TRAF3: variants seen among roughly 807,000 people sequenced by gnomAD.
TRAF3 encodes TNF receptor associated factor 3.
Under a neutral mutation model 62.3 loss-of-function variants are expected in TRAF3, and 13 were observed. The observed-to-expected ratio is 0.21, with a 90% confidence interval of 0.14 to 0.33. The LOEUF is 0.33. Ranked by LOEUF, TRAF3 falls within the 10% of genes least tolerant of loss-of-function variation. TRAF3 has a pLI of 1.00. For synonymous variants in TRAF3, 269 were observed against 283.4 expected (o/e 0.95, Z 0.51); for missense variants, 440 against 741.8 (o/e 0.59, Z 4.73).
At chr14:102,813,703 G>T (rs951822744) in intron 1 of TRAF3, among the ~76,000 whole-genome samples, 1 of 151,554 alleles carries the variant, frequency 6.6e-6, no homozygotes, top group Non-Finnish European at 1.5e-5. Context: ...CACCCGCCTC[G>T]GCCTCCCAAA....
intron 1 of TRAF3, among the ~76,000 whole-genome samples, chr14:102,787,590 G>GGCA (rs1897569464): frequency 6.6e-6 from 1 of 152,108 alleles, no homozygotes; most frequent in Non-Finnish European, 1.5e-5. Context: ...GGGAGGCTGA[G>GGCA]GCAGGAGAAT....
chr14:102,851,911 G>C, intron 2 of TRAF3, among the ~76,000 whole-genome samples: 1 of 151,258 alleles, frequency 6.6e-6, no homozygotes, highest in East Asian at 1.9e-4. Context: ...AAAAGTTAGC[G>C]GGGTGTGGTG....
chr14:102,792,504 T>G (rs1230090828), intron 1 of TRAF3, among the ~76,000 whole-genome samples: 2 of 148,992 alleles, frequency 1.3e-5, no homozygotes, highest in African/African-American at 5.0e-5. Flanking sequence ...ACTCCTGGCC[T>G]CAAGCAGACC....
At chr14:102,820,594 A>T (rs1595327736) in intron 1 of TRAF3, among the ~76,000 whole-genome samples, 1 of 10,100 alleles carries the variant, frequency 9.9e-5, no homozygotes, top group African/African-American at 1.9e-4. Flanking sequence ...ATATATATAT[A>T]TATATATATA....
chr14:102,905,785 T>C lies in TRAF3; in HGVS notation c.*1T>C. On this transcript the variant is annotated 3_prime_UTR_variant, in exon 12 of 12. Transcript: ENST00000392745. Reference sequence around the variant, plus strand: ...TACTTCGGATCTGCCCGATCCCTGATAAGTAGCTGGGGAGGTGGATTTAGC... The same window carrying C: ...TACTTCGGATCTGCCCGATCCCTGACAAGTAGCTGGGGAGGTGGATTTAGC... The C allele has an allele frequency of 6.2e-7, 1 of 1,613,276 alleles. No homozygotes were observed. The highest frequency in any genetic ancestry group is 8.5e-7 in the Non-Finnish European group (1 of 1,179,608).
At chr14:102,844,619 A>C (rs1886582991) in intron 2 of TRAF3, among the ~76,000 whole-genome samples, 1 of 152,232 alleles carries the variant, frequency 6.6e-6, no homozygotes, top group African/African-American at 2.4e-5. Flanking sequence ...GACAAGGATC[A>C]GGGTGCAGGA....
intron 7 of TRAF3, among the ~76,000 whole-genome samples, chr14:102,888,609 C>T (rs1470392878): frequency 6.6e-6 from 1 of 152,152 alleles, no homozygotes; most frequent in Non-Finnish European, 1.5e-5. Flanking sequence ...GAACACATTC[C>T]CGGCTGCTGC....
At position 102,777,460 on chromosome 14, in the gene TRAF3, T is replaced by TGAGGGAGC. The variant is rs996892936; in HGVS notation, c.-354_-347dup. 1.1e-3 allele frequency: 153 copies of TGAGGGAGC among 138,960 alleles called. No homozygotes were observed. Among genetic ancestry groups the TGAGGGAGC allele is most frequent in the East Asian group, 5.0e-3 (22 of 4,414 alleles). The allele number at this position is 138,960 out of a possible 1,614,324, so 8.6% of individuals were successfully genotyped here. A position where few individuals can be genotyped will look rare whatever the true frequency, so the allele number is the denominator to read the frequency against. On this transcript the variant is annotated 5_prime_UTR_variant, in exon 1 of 12. Transcript: ENST00000392745. ...GAGGAAGTGCCTGCGCGGGGCTGCG[T>TGAGGGAGC]GAGGGAGCGAGGGAGCGAGGGAGCG...
rs1034952154 is a variant in TRAF3, at chr14:102,831,413, C to T, written c.-18+941C>T. Among the ~76,000 whole-genome samples, 3 of 152,128 alleles carry T rather than the reference C, an allele frequency of 2.0e-5. No individual in the cohort carries two copies. In the South Asian group the frequency reaches 6.2e-4, roughly 32 times the overall value. ...AAACTGTGTCCCCAAGCTCAGCAGG[C>T]GGAGGTAAAACATTTTTCAAAGAAA... On this transcript the variant is annotated intron_variant, in intron 2 of 11. Transcript: ENST00000392745.
intron 2 of TRAF3, among the ~76,000 whole-genome samples, chr14:102,833,666 G>A (rs1167041051): frequency 1.3e-5 from 2 of 152,168 alleles, no homozygotes; most frequent in African/African-American, 2.4e-5. Context: ...CAAGACAAAT[G>A]CCAGACTGTG....
intron 2 of TRAF3, among the ~76,000 whole-genome samples, chr14:102,861,063 G>A (rs1283644993): frequency 6.6e-6 from 1 of 152,242 alleles, no homozygotes; most frequent in East Asian, 1.9e-4. Flanking sequence ...GGGAATGCAA[G>A]AAGCTCAGGG....
At chr14:102,806,803 C>T (rs1898800301) in intron 1 of TRAF3, among the ~76,000 whole-genome samples, 1 of 152,076 alleles carries the variant, frequency 6.6e-6, no homozygotes, top group Admixed American at 6.6e-5. Context: ...GCTCATTGTC[C>T]CGGACCTGCA....
chr14:102,858,864 C>G lies in TRAF3; in HGVS notation c.-17-11321C>G, dbSNP rs548185950. ...CAAATTTCACCATTGCATTAGTGTA[C>G]TATTAATGTTAAACCCAATTCTTAA... is the stretch of plus-strand genomic sequence containing the variant. On this transcript the variant is annotated intron_variant, in intron 2 of 11. Transcript: ENST00000392745. 2.0e-5 allele frequency among the ~76,000 whole-genome samples: 3 copies of G among 152,120 alleles called. No homozygotes were observed. In the South Asian group the frequency reaches 6.2e-4, roughly 31 times the overall value.
intron 6 of TRAF3, among the ~76,000 whole-genome samples, chr14:102,884,316 C>T (rs147661266): frequency 6.6e-6 from 1 of 152,164 alleles, no homozygotes; most frequent in South Asian, 2.1e-4. Context: ...GTCTGCCCGA[C>T]GCCAGGGTGT....
In TRAF3 at chr14:102,853,837, TA is replaced by T. The variant is rs35601098; in HGVS notation, c.-17-16332del. ...TGGGCGACAGAGGCAAGACTCCGTC[TA>T]AAAAAAAAAAAAAAAGAATGTTATG... On this transcript the variant is annotated intron_variant, in intron 2 of 11. Coordinates refer to ENST00000392745, the MANE Select transcript of TRAF3 (RefSeq NM_145725.3). Among the ~76,000 whole-genome samples, 966 of 133,168 alleles carry T rather than the reference TA, an allele frequency of 7.3e-3. 3 individuals carry two copies. Among genetic ancestry groups the T allele is most frequent in the Admixed American group, 0.013 (174 of 13,236 alleles). The allele number at this position is 133,168 out of a possible 152,430, so 87.4% of individuals were successfully genotyped here.
intron 2 of TRAF3, among the ~76,000 whole-genome samples, chr14:102,844,816 G>A (rs551288911): frequency 4.9e-4 from 75 of 152,080 alleles, no homozygotes; most frequent in Admixed American, 1.2e-3. Context: ...TGAGGCGGGA[G>A]GGTTGCTTGA....
At chr14:102,777,905 G>C (rs1212659980) in intron 1 of TRAF3, among the ~76,000 whole-genome samples, 1 of 149,528 alleles carries the variant, frequency 6.7e-6, no homozygotes, top group South Asian at 2.1e-4. Context: ...CCTCAACTTC[G>C]GCAAACTTTG....
At chr14:102,785,644 A>C (rs1195525604) in intron 1 of TRAF3, among the ~76,000 whole-genome samples, 2 of 152,220 alleles carry the variant, frequency 1.3e-5, no homozygotes, top group Non-Finnish European at 2.9e-5. Flanking sequence ...AAGGCATGGA[A>C]GCCCTTACCA....
At chr14:102,875,130 A>G (rs74082939) in intron 4 of TRAF3, among the ~76,000 whole-genome samples, 6,204 of 152,224 alleles carry the variant, frequency 0.041, 410 homozygotes, top group African/African-American at 0.14. Flanking sequence ...TCATTCCCCA[A>G]ATATGGTCTC....
Sources: allele counts gnomAD v4.1 joint callset (sites outside exome capture counted in the v4.1 genomes callset), GRCh38; gene constraint gnomAD v4.1.1; transcripts MANE v1.5; gene names NCBI Gene and HGNC (gene_info 2026-07-23, HGNC 2026-07-21).